PPP1R12A: variants seen among roughly 807,000 people sequenced by gnomAD.
The protein encoded by PPP1R12A is protein phosphatase 1 regulatory subunit 12A.
A neutral mutation model predicts 139.6 loss-of-function variants in PPP1R12A; 19 were observed. That is an observed-to-expected ratio of 0.14 (90% CI 0.09 to 0.20). The LOEUF (loss-of-function observed/expected upper bound fraction) is 0.20, where lower values mean the gene tolerates loss of function less well. Among genes scored for constraint, PPP1R12A ranks in the 10% least tolerant of loss-of-function variants. The probability of loss-of-function intolerance (pLI) is 1.00; values close to 1 mark genes in which losing one functional copy is unlikely to be tolerated. For synonymous variants in PPP1R12A, 427 were observed against 420.6 expected (o/e 1.02, Z -0.19); for missense variants, 925 against 1,211.5 (o/e 0.76, Z 3.51).
chr12:79,934,952 C>G lies in PPP1R12A; in HGVS notation c.-21G>C. On this transcript the variant is annotated 5_prime_UTR_variant, in exon 1 of 25. Coordinates refer to ENST00000450142, the MANE Select transcript of PPP1R12A (RefSeq NM_002480.3). ...TTCATCCCCTCTCCTGCCGCCGGGT[C>G]TTCTTATCGCGAGGGGGGGAAGGGG... is the stretch of plus-strand genomic sequence containing the variant. The G allele has an allele frequency of 6.4e-7, 1 of 1,563,968 alleles. No individual in the cohort carries two copies. The highest frequency in any genetic ancestry group is 8.7e-7 in the Non-Finnish European group (1 of 1,152,634).
chr12:79,808,393 G>A (rs896661934), intron 11 of PPP1R12A, 90 bp downstream of exon 11: 15 of 873,116 alleles, frequency 1.7e-5, no homozygotes, highest in Middle Eastern at 2.5e-4. Flanking sequence ...ATACATATCC[G>A]CACATAATTA....
intron 14 of PPP1R12A, among the ~76,000 whole-genome samples, chr12:79,801,742 T>C (rs1422937913): frequency 4.6e-5 from 7 of 152,170 alleles, no homozygotes; most frequent in Non-Finnish European, 8.8e-5. Context: ...GATGACCAGG[T>C]AATTTCTCAC....
intron 1 of PPP1R12A, among the ~76,000 whole-genome samples, chr12:79,924,437 T>A (rs1592842281): frequency 1.3e-5 from 2 of 152,296 alleles, no homozygotes; most frequent in African/African-American, 4.8e-5. Flanking sequence ...ACAACCTTTT[T>A]TTAAAATGTG....
At chr12:79,904,814 A>G (rs563487652) in intron 1 of PPP1R12A, among the ~76,000 whole-genome samples, 4 of 152,244 alleles carry the variant, frequency 2.6e-5, no homozygotes, top group Non-Finnish European at 5.9e-5. Context: ...AAGGTGATCT[A>G]TTCTCAGTGA....
chr12:79,812,557 G>A (rs974087768), intron 9 of PPP1R12A, among the ~76,000 whole-genome samples: 15 of 151,616 alleles, frequency 9.9e-5, no homozygotes, highest in African/African-American at 3.6e-4. Context: ...TTAGGAGGAG[G>A]GTCTTTACTT....
At chr12:79,879,668 A>G (rs1486825444) in intron 1 of PPP1R12A, among the ~76,000 whole-genome samples, 1 of 152,204 alleles carries the variant, frequency 6.6e-6, no homozygotes, top group East Asian at 1.9e-4. Context: ...ATAAAATAAG[A>G]TCTGGTGATA....
chr12:79,917,262 G>A (rs980472740), intron 1 of PPP1R12A, among the ~76,000 whole-genome samples: 7 of 151,978 alleles, frequency 4.6e-5, no homozygotes, highest in African/African-American at 1.7e-4. Context: ...CGAGGCGGGT[G>A]GATCACGAGG....
rs563187499 is a variant in PPP1R12A at position 79,822,304 on chromosome 12, G to A, written c.793-114C>T. On this transcript the variant is annotated intron_variant, in intron 5 of 24. Coordinates refer to ENST00000450142, the MANE Select transcript of PPP1R12A (RefSeq NM_002480.3). ...ACGTTGGATAACATTTTTTACAGTGGTTATGATACAATAACTACTGTAAAA... is the reference window on the plus strand; with the variant it reads ...ACGTTGGATAACATTTTTTACAGTGATTATGATACAATAACTACTGTAAAA... 84 of 684,890 alleles carry A rather than the reference G, an allele frequency of 1.2e-4. 1 individual carries two copies. In the South Asian group the frequency reaches 1.6e-3, roughly 13 times the overall value. 42.4% of individuals were successfully genotyped at this position (684,890 alleles called of 1,614,324 possible).
chr12:79,908,194 A>C (rs2137510676), intron 1 of PPP1R12A, among the ~76,000 whole-genome samples: 1 of 152,326 alleles, frequency 6.6e-6, no homozygotes, highest in Non-Finnish European at 1.5e-5. Context: ...CAGTAATTAA[A>C]GAGTAGAATC....
chr12:79,902,623 T>A (rs763818936), intron 1 of PPP1R12A, among the ~76,000 whole-genome samples: 1 of 152,102 alleles, frequency 6.6e-6, no homozygotes, highest in Non-Finnish European at 1.5e-5. Context: ...GGTGTATATA[T>A]TAAACTCACT....
At chr12:79,833,407 T>C (rs1877672925) in intron 3 of PPP1R12A, among the ~76,000 whole-genome samples, 1 of 152,210 alleles carries the variant, frequency 6.6e-6, no homozygotes, top group Admixed American at 6.5e-5. Context: ...CTTATGGCTT[T>C]GACTACTTGC....
chr12:79,872,287 A>T (rs1882657673), intron 2 of PPP1R12A, among the ~76,000 whole-genome samples: 1 of 152,160 alleles, frequency 6.6e-6, no homozygotes, highest in African/African-American at 2.4e-5. Flanking sequence ...AAAAAATCAG[A>T]TGTTCTTAGT....
Position 79,869,475 on chromosome 12 carries a change from G to C in PPP1R12A, c.368+3333C>G, listed in dbSNP as rs568346946. Among the ~76,000 whole-genome samples the C allele has an allele frequency of 3.9e-5, 6 of 152,288 alleles. No individual in the cohort carries two copies. In the East Asian group the frequency reaches 1.2e-3, roughly 29 times the overall value. ...ATATACACAAACAACTGATGTGTTA[G>C]AGATGATGATGAATTTGCCAAGAAC... On this transcript the variant is annotated intron_variant, in intron 2 of 24. Transcript: ENST00000450142.
chr12:79,851,287 T>C (rs972920143), intron 2 of PPP1R12A, among the ~76,000 whole-genome samples: 2 of 152,208 alleles, frequency 1.3e-5, no homozygotes, highest in African/African-American at 2.4e-5. Flanking sequence ...TGCAAAATAG[T>C]AAATAATCTT....
intron 14 of PPP1R12A, among the ~76,000 whole-genome samples, chr12:79,800,857 C>G (rs1873040962): frequency 6.6e-6 from 1 of 151,762 alleles, no homozygotes; most frequent in Admixed American, 6.6e-5. Flanking sequence ...CCTCAGCCTC[C>G]CGAGTAGTTG....
intron 1 of PPP1R12A, among the ~76,000 whole-genome samples, chr12:79,922,901 T>C (rs1317128741): frequency 7.2e-5 from 11 of 152,184 alleles, no homozygotes; most frequent in Admixed American, 7.2e-4. Context: ...TGGCATGTTA[T>C]TTTGAGCAAA....
intron 2 of PPP1R12A, chr12:79,848,789 G>A (rs1230003625): frequency 6.6e-6 from 1 of 151,980 alleles, no homozygotes; most frequent in East Asian, 1.9e-4. Flanking sequence ...AAATCTCACG[G>A]ACTGATTAAT....
At chr12:79,850,038 G>C (rs1879866217) in intron 2 of PPP1R12A, among the ~76,000 whole-genome samples, 1 of 151,988 alleles carries the variant, frequency 6.6e-6, no homozygotes, top group African/African-American at 2.4e-5. Flanking sequence ...TTGTGGCCCA[G>C]GCTGGTCCCA....
intron 24 of PPP1R12A, 50 bp downstream of exon 24, chr12:79,778,500 C>T: frequency 8.0e-7 from 1 of 1,252,504 alleles, no homozygotes. Context: ...GTATTTTAAA[C>T]ATTAATACAT....
Sources: gnomAD v4.1 joint callset for allele counts (sites outside exome capture counted in the v4.1 genomes callset) on GRCh38, gnomAD v4.1.1 for gene constraint, MANE v1.5 for transcripts, NCBI Gene and HGNC (gene_info 2026-07-23, HGNC 2026-07-21) for gene names.